FAF1: variants seen among roughly 807,000 people sequenced by gnomAD.
FAF1 encodes the protein FAS-associated factor 1.
In FAF1, 25 loss-of-function variants were observed where a neutral mutation model predicts 92.5. The observed-to-expected ratio is 0.27, with a 90% CI of 0.20 to 0.38. The LOEUF is 0.38. FAF1 is among the 10% of genes least tolerant of loss of function. The pLI is 1.00. For synonymous variants in FAF1, 234 were observed against 273.2 expected (o/e 0.86, Z 1.42); for missense variants, 636 against 793.3 (o/e 0.80, Z 2.38).
At chr1:50,648,940 C>A (rs1438561243) in intron 8 of FAF1, among the ~76,000 whole-genome samples, 2 of 152,004 alleles carry the variant, frequency 1.3e-5, no homozygotes, top group Non-Finnish European at 2.9e-5. Flanking sequence ...AGTTAGGGGG[C>A]CTGGCCCTAA....
intron 3 of FAF1, among the ~76,000 whole-genome samples, chr1:50,800,932 T>C (rs999459933): frequency 6.6e-6 from 1 of 152,218 alleles, no homozygotes; most frequent in African/African-American, 2.4e-5. Flanking sequence ...GAAGGGAGAA[T>C]GGTTTTACCT....
intron 1 of FAF1, among the ~76,000 whole-genome samples, chr1:50,861,678 C>T (rs1644434067): frequency 6.6e-6 from 1 of 151,662 alleles, no homozygotes; most frequent in Non-Finnish European, 1.5e-5. Context: ...AACATAACTG[C>T]ACTTGTATTC....
rs572479279 is a variant in FAF1, at chr1:50,763,120, T to C, written c.368-18345A>G. Among the ~76,000 whole-genome samples the C allele has an allele frequency of 2.0e-5, 3 of 152,088 alleles. No homozygotes were observed. The South Asian group carries it at 6.2e-4, about 32-fold the overall frequency. On this transcript the variant is annotated intron_variant, in intron 4 of 18. Transcript: ENST00000396153. ...AAATACAAAAAAATTAGCTGGGGCA[T>C]GGTGGCATGCGTCTGTAGTCCCAGC...
At position 50,567,199 on chromosome 1, in the gene FAF1, A is replaced by G; in HGVS notation, c.1146T>C (p.Asp382=). The change falls in exon 13 of 19, where the codon GAT becomes GAC. Residue 382 remains aspartate, a synonymous_variant. Transcript: ENST00000396153. ...RKLLAIYLHH[D]ESVLTNVFCS... ...AGAACACGTTGGTTAACACACTTTC[A>G]TCATGGTGGAGGTAGATAGCAAGAA... 1.2e-6 allele frequency: 2 copies of G among 1,609,624 alleles called. No individual in the cohort carries two copies. The highest frequency in any genetic ancestry group is 1.7e-6 in the Non-Finnish European group (2 of 1,177,182).
chr1:50,951,017 G>C (rs1645210166), intron 1 of FAF1, among the ~76,000 whole-genome samples: 1 of 152,188 alleles, frequency 6.6e-6, no homozygotes, highest in Non-Finnish European at 1.5e-5. Flanking sequence ...GACCACTTGA[G>C]GTCAGGAGTT....
chr1:50,511,716 A>G (rs929439932), intron 15 of FAF1, among the ~76,000 whole-genome samples: 4 of 152,164 alleles, frequency 2.6e-5, no homozygotes, highest in African/African-American at 9.7e-5. Context: ...ATATGTGTGC[A>G]TGTGTCTTTA....
At chr1:50,750,142 C>T (rs761140922) in intron 4 of FAF1, among the ~76,000 whole-genome samples, 7 of 152,092 alleles carry the variant, frequency 4.6e-5, no homozygotes, top group African/African-American at 9.7e-5. Context: ...TTTGTGTCTA[C>T]CTAACTCCAA....
intron 1 of FAF1, among the ~76,000 whole-genome samples, chr1:50,886,316 C>T (rs1364602360): frequency 6.6e-6 from 1 of 152,090 alleles, no homozygotes; most frequent in Non-Finnish European, 1.5e-5. Context: ...TATTTCTCCT[C>T]ATGTTTGAAG....
intron 8 of FAF1, among the ~76,000 whole-genome samples, chr1:50,647,775 T>C (rs932398077): frequency 5.3e-5 from 8 of 152,120 alleles, no homozygotes; most frequent in African/African-American, 1.4e-4. Flanking sequence ...CTGAGATCCA[T>C]AGACATTAAG....
At chr1:50,628,234 G>A (rs1252071132) in intron 8 of FAF1, among the ~76,000 whole-genome samples, 1 of 152,144 alleles carries the variant, frequency 6.6e-6, no homozygotes, top group African/African-American at 2.4e-5. Context: ...GATAACATAT[G>A]TTTCCTGAGA....
chr1:50,536,542 G>A (rs757982018), intron 14 of FAF1, among the ~76,000 whole-genome samples: 13 of 152,104 alleles, frequency 8.5e-5, no homozygotes, highest in Non-Finnish European at 1.6e-4. Context: ...TTATCCTTAT[G>A]ACCATTGGCA....
At chr1:50,843,617 T>C (rs970693634) in intron 2 of FAF1, among the ~76,000 whole-genome samples, 3 of 152,076 alleles carry the variant, frequency 2.0e-5, no homozygotes, top group African/African-American at 4.8e-5. Flanking sequence ...CTCTCACATA[T>C]AAGAACATAC....
At chr1:50,623,190 C>T (rs1653293051) in intron 8 of FAF1, among the ~76,000 whole-genome samples, 1 of 152,136 alleles carries the variant, frequency 6.6e-6, no homozygotes, top group African/African-American at 2.4e-5. Flanking sequence ...GAGGACACTG[C>T]TAGATTATAT....
chr1:50,547,964 T>C (rs1431984664), intron 13 of FAF1, among the ~76,000 whole-genome samples: 1 of 152,234 alleles, frequency 6.6e-6, no homozygotes, highest in African/African-American at 2.4e-5. Context: ...TCTCAAGTGT[T>C]GATCATAGAC....
At chr1:50,841,261 A>G (rs1644253327) in intron 2 of FAF1, among the ~76,000 whole-genome samples, 1 of 152,076 alleles carries the variant, frequency 6.6e-6, no homozygotes, top group Non-Finnish European at 1.5e-5. Flanking sequence ...TTTGTCTTCA[A>G]CATTTACGTA....
At chr1:50,552,917 A>G (rs1649378252) in intron 13 of FAF1, among the ~76,000 whole-genome samples, 1 of 152,146 alleles carries the variant, frequency 6.6e-6, no homozygotes, top group South Asian at 2.1e-4. Context: ...GTTTATTTAA[A>G]AGAGAGAGAG....
intron 18 of FAF1, among the ~76,000 whole-genome samples, chr1:50,468,459 A>ATTTTTTTTTT (rs370937786): frequency 7.6e-6 from 1 of 130,722 alleles, no homozygotes; most frequent in Non-Finnish European, 1.6e-5. Flanking sequence ...CACTTGGCTA[A>ATTTTTTTTTT]TTTTTTTTTT....
intron 6 of FAF1, among the ~76,000 whole-genome samples, chr1:50,727,244 G>C (rs1048129730): frequency 6.6e-6 from 1 of 152,002 alleles, no homozygotes; most frequent in South Asian, 2.1e-4. Context: ...ATTTTTTCTT[G>C]TTATCTTCTC....
chr1:50,873,268 G>A (rs1465233369), intron 1 of FAF1, among the ~76,000 whole-genome samples: 1 of 152,148 alleles, frequency 6.6e-6, no homozygotes, highest in Non-Finnish European at 1.5e-5. Context: ...AAAAATTAGT[G>A]ACTCACTTTA....
Sources: gnomAD v4.1 joint callset for allele counts (sites outside exome capture counted in the v4.1 genomes callset) on GRCh38, gnomAD v4.1.1 for gene constraint, MANE v1.5 for transcripts, NCBI Gene and HGNC (gene_info 2026-07-23, HGNC 2026-07-21) for gene names.